KANK1: variants seen among roughly 807,000 people sequenced by gnomAD.
KANK1 encodes KN motif and ankyrin repeat domain-containing protein 1.
A neutral mutation model predicts 106.2 loss-of-function variants in KANK1; 109 were observed. The observed-to-expected ratio is 1.03, with a 90% CI of 0.88 to 1.20. The LOEUF is 1.20. KANK1 is among the 50% of genes most tolerant of loss of function. The probability of loss-of-function intolerance (pLI) is 0.00; values close to 1 mark genes in which losing one functional copy is unlikely to be tolerated. For synonymous variants in KANK1, 873 were observed against 652.2 expected, an observed-to-expected ratio of 1.34 and a Z score of -5.16; for missense variants, 2,399 against 1,710.7, an observed-to-expected ratio of 1.40 and a Z score of -7.10.
At chr9:564,124 A>G (rs1055969240) in intron 1 of KANK1, among the ~76,000 whole-genome samples, 41 of 151,400 alleles carry the variant, frequency 2.7e-4, no homozygotes, top group Non-Finnish European at 4.7e-4. Context: ...CGGTGGCGCA[A>G]TCTCGGCTCA....
intron 1 of KANK1, among the ~76,000 whole-genome samples, chr9:573,328 G>C (rs1272172083): frequency 1.3e-5 from 2 of 152,080 alleles, no homozygotes; most frequent in African/African-American, 2.4e-5. Flanking sequence ...GGAGTGCAGT[G>C]GCGCAATCTT....
At chr9:519,053 A>G (rs1024654315) in intron 1 of KANK1, among the ~76,000 whole-genome samples, 7 of 151,284 alleles carry the variant, frequency 4.6e-5, no homozygotes, top group Non-Finnish European at 8.8e-5. Context: ...ACCAGGCCTG[A>G]CTAATTTTGT....
intron 1 of KANK1, among the ~76,000 whole-genome samples, chr9:589,824 G>A (rs1415039214): frequency 6.6e-6 from 1 of 152,178 alleles, no homozygotes; most frequent in Non-Finnish European, 1.5e-5. Context: ...TAGAGTATCT[G>A]TGTGGGAAAT....
chr9:712,733 G>T lies in KANK1; in HGVS notation c.1967G>T (p.Ser656Ile). The part of the protein sequence containing the change: ...ASRGVNTEAV[S>I]QVEAAVMAVP... ...CGGGGCGTGAACACTGAGGCTGTTA[G>T]CCAGGTGGAAGCTGCCGTCATGGCA... The change falls in exon 3 of 12, where the codon AGC becomes ATC. Residue 656 changes from serine (S) to isoleucine (I), a missense_variant. Ser to Ile is a moderately radical substitution (Grantham distance 142). Transcript: ENST00000382297. The T allele has an allele frequency of 6.2e-7, 1 of 1,613,974 alleles. No homozygotes were observed. Among genetic ancestry groups the T allele is most frequent in the South Asian group, 1.1e-5 (1 of 91,044 alleles).
intron 1 of KANK1, among the ~76,000 whole-genome samples, chr9:506,154 G>C (rs1208223146): frequency 6.6e-6 from 1 of 152,108 alleles, no homozygotes. Flanking sequence ...ATACCGATTA[G>C]CAGTCATTCT....
chr9:598,830 A>G (rs866674883), intron 1 of KANK1, among the ~76,000 whole-genome samples: 2 of 146,964 alleles, frequency 1.4e-5, no homozygotes, highest in Middle Eastern at 3.7e-3. Context: ...TAGAGTCTTG[A>G]CGTGTTGGCC....
intron 1 of KANK1, among the ~76,000 whole-genome samples, chr9:508,047 C>T (rs374055265): frequency 6.8e-6 from 1 of 146,136 alleles, no homozygotes; most frequent in African/African-American, 2.5e-5. Context: ...GTCTTGAACT[C>T]GTGACGTCAG....
Position 712,751 on chromosome 9 carries a change from T to A in KANK1, c.1985T>A (p.Val662Asp). ...GCTGTTAGCCAGGTGGAAGCTGCCG[T>A]CATGGCAGTGCCTCGTACTGCAGAC... is the stretch of plus-strand genomic sequence containing the variant. ...TEAVSQVEAAVMAVPRTADQD... is the reference protein window; with the variant it reads ...TEAVSQVEAADMAVPRTADQD... Residue 662 changes from valine to aspartate, a missense_variant, in exon 3 of 12, where the codon GTC becomes GAC. Val to Asp is a radical substitution (Grantham distance 152, BLOSUM62 -3). Coordinates refer to ENST00000382297, the MANE Select transcript of KANK1 (RefSeq NM_015158.5). The A allele has an allele frequency of 6.2e-7, 1 of 1,613,802 alleles. No homozygotes were observed. Among genetic ancestry groups the A allele is most frequent in the Non-Finnish European group, 8.5e-7 (1 of 1,179,900 alleles).
intron 1 of KANK1, among the ~76,000 whole-genome samples, chr9:615,611 C>T (rs911310902): frequency 6.6e-6 from 1 of 152,112 alleles, no homozygotes; most frequent in Non-Finnish European, 1.5e-5. Flanking sequence ...CATAGTATAT[C>T]CTTTAGGTAA....
At chr9:654,089 A>G (rs1841536841) in intron 1 of KANK1, among the ~76,000 whole-genome samples, 1 of 152,200 alleles carries the variant, frequency 6.6e-6, no homozygotes, top group Non-Finnish European at 1.5e-5. Flanking sequence ...AGGTATTTGA[A>G]TAAGAGCAGA....
chr9:527,403 G>A (rs1219944947), intron 1 of KANK1, among the ~76,000 whole-genome samples: 3 of 122,864 alleles, frequency 2.4e-5, no homozygotes, highest in Non-Finnish European at 4.8e-5. Context: ...CCAGTTTGAA[G>A]TGATTCTCCT....
intron 3 of KANK1, among the ~76,000 whole-genome samples, chr9:721,370 C>G (rs1039387367): frequency 3.3e-5 from 5 of 152,054 alleles, no homozygotes; most frequent in African/African-American, 1.2e-4. Context: ...TGTAAAAGGT[C>G]TAATTTGAGA....
intron 1 of KANK1, among the ~76,000 whole-genome samples, chr9:588,473 T>G (rs1824048957): frequency 6.6e-6 from 1 of 152,218 alleles, no homozygotes; most frequent in South Asian, 2.1e-4. Flanking sequence ...TAATTTACTC[T>G]GTTGATGTAC....
chr9:554,922 T>G (rs964780497), intron 1 of KANK1, among the ~76,000 whole-genome samples: 2 of 152,214 alleles, frequency 1.3e-5, no homozygotes, highest in African/African-American at 4.8e-5. Flanking sequence ...GCAAGTATTC[T>G]CAGGGCAAAC....
chr9:616,135 T>A (rs1247680763), intron 1 of KANK1, among the ~76,000 whole-genome samples: 1 of 151,700 alleles, frequency 6.6e-6, no homozygotes, highest in Non-Finnish European at 1.5e-5. Flanking sequence ...TGCTGAAGAG[T>A]TTCAATCAAC....
intron 1 of KANK1, among the ~76,000 whole-genome samples, chr9:610,399 T>C (rs1250357186): frequency 6.6e-6 from 1 of 152,092 alleles, no homozygotes; most frequent in Non-Finnish European, 1.5e-5. Context: ...CCTGAAGAAT[T>C]GAGTGATATG....
At chr9:567,519 G>C (rs7044795) in intron 1 of KANK1, among the ~76,000 whole-genome samples, 100 of 152,292 alleles carry the variant, frequency 6.6e-4, no homozygotes, top group African/African-American at 2.3e-3. Context: ...TAGAAGCAAG[G>C]GTCAGATATC....
At chr9:524,903 T>C (rs2059714219) in intron 1 of KANK1, among the ~76,000 whole-genome samples, 1 of 151,460 alleles carries the variant, frequency 6.6e-6, no homozygotes, top group Non-Finnish European at 1.5e-5. Context: ...ATTTCATTTA[T>C]ACAGGTATTA....
chr9:683,967 A>G (rs542537757), intron 2 of KANK1, among the ~76,000 whole-genome samples: 7 of 152,238 alleles, frequency 4.6e-5, no homozygotes, highest in South Asian at 2.1e-4. Context: ...TTAGATTTCA[A>G]TTTCATAACC....
Sources: allele counts gnomAD v4.1 joint callset (sites outside exome capture counted in the v4.1 genomes callset), GRCh38; gene constraint gnomAD v4.1.1; transcripts MANE v1.5; gene names NCBI Gene and HGNC (gene_info 2026-07-23, HGNC 2026-07-21).